The following PPFIA2 variants were observed in gnomAD, a reference collection of about 807,000 sequenced individuals.
The protein encoded by PPFIA2 is PPFI scaffold protein A2, also known as liprin-alpha-2.
In PPFIA2, 46 loss-of-function variants were observed where a neutral mutation model predicts 175.5. The observed-to-expected ratio is 0.26, with a 90% CI of 0.21 to 0.34. The LOEUF (loss-of-function observed/expected upper bound fraction) is 0.34, where lower values mean the gene tolerates loss of function less well. Ranked by LOEUF, PPFIA2 falls within the 10% of genes least tolerant of loss-of-function variation. PPFIA2 has a pLI of 1.00. For synonymous variants in PPFIA2, 568 were observed against 511.4 expected (o/e 1.11, Z -1.49); for missense variants, 1,179 against 1,506.1 (o/e 0.78, Z 3.60).
At chr12:81,486,033 T>C (rs1258080720) in intron 4 of PPFIA2, among the ~76,000 whole-genome samples, 1 of 151,950 alleles carries the variant, frequency 6.6e-6, no homozygotes, top group Non-Finnish European at 1.5e-5. Flanking sequence ...ACACAATCTC[T>C]GATATATTAT....
At chr12:81,584,996 A>ATATT (rs539247653) in intron 4 of PPFIA2, among the ~76,000 whole-genome samples, 1 of 15,152 alleles carries the variant, frequency 6.6e-5, no homozygotes, top group Non-Finnish European at 1.2e-4. Flanking sequence ...ATTTATATAT[A>ATATT]ATATATTAAT....
intron 21 of PPFIA2, among the ~76,000 whole-genome samples, chr12:81,337,697 A>T (rs1921061): frequency 0.77 from 116,809 of 151,960 alleles, 46,222 homozygotes; most frequent in Non-Finnish European, 0.88. Context: ...ACTAAGATGA[A>T]TATATATGTT....
chr12:81,713,452 C>T (rs1393914775), intron 3 of PPFIA2, among the ~76,000 whole-genome samples: 1 of 151,078 alleles, frequency 6.6e-6, no homozygotes, highest in Non-Finnish European at 1.5e-5. Context: ...CAAAGAGAAC[C>T]TTACAAATAA....
chr12:81,614,435 T>C (rs970550872), intron 4 of PPFIA2, among the ~76,000 whole-genome samples: 8 of 152,134 alleles, frequency 5.3e-5, no homozygotes, highest in African/African-American at 1.2e-4. Flanking sequence ...CATGGAATCA[T>C]AGAACAAAAT....
intron 4 of PPFIA2, among the ~76,000 whole-genome samples, chr12:81,632,762 A>C (rs2063536792): frequency 6.6e-6 from 1 of 151,864 alleles, no homozygotes; most frequent in Admixed American, 6.5e-5. Context: ...CCAAAAAAGC[A>C]AATCAGGATG....
At chr12:81,334,504 A>G (rs1032864839) in intron 21 of PPFIA2, among the ~76,000 whole-genome samples, 6 of 151,400 alleles carry the variant, frequency 4.0e-5, no homozygotes, top group Admixed American at 3.3e-4. Flanking sequence ...AAAAAAAAAA[A>G]TAAATCTCCT....
chr12:81,689,938 C>T (rs993863707), intron 3 of PPFIA2, among the ~76,000 whole-genome samples: 4 of 152,056 alleles, frequency 2.6e-5, no homozygotes, highest in Admixed American at 6.6e-5. Flanking sequence ...GCAATCAAAA[C>T]AGACGATACA....
intron 4 of PPFIA2, among the ~76,000 whole-genome samples, chr12:81,592,464 T>C (rs1224727813): frequency 6.6e-6 from 1 of 152,166 alleles, no homozygotes; most frequent in African/African-American, 2.4e-5. Context: ...ATCTCATCTT[T>C]AATTGTAACT....
intron 4 of PPFIA2, among the ~76,000 whole-genome samples, chr12:81,602,990 T>C (rs2059942645): frequency 6.6e-6 from 1 of 151,874 alleles, no homozygotes; most frequent in Admixed American, 6.6e-5. Context: ...TCAATGAATG[T>C]GCTGCTTACA....
chr12:81,279,983 G>T (rs1022619417), intron 27 of PPFIA2, among the ~76,000 whole-genome samples: 4 of 152,092 alleles, frequency 2.6e-5, no homozygotes, highest in African/African-American at 9.7e-5. Flanking sequence ...ACATAATAAT[G>T]ATCTTAAAAC....
At chr12:81,264,969 C>T (rs1231693843) in intron 30 of PPFIA2, among the ~76,000 whole-genome samples, 2 of 150,608 alleles carry the variant, frequency 1.3e-5, no homozygotes, top group African/African-American at 4.9e-5. Context: ...TACACAACTC[C>T]TTACAGTGTC....
Position 81,598,094 on chromosome 12 carries a change from G to A in PPFIA2, c.303+78697C>T, listed in dbSNP as rs756615826. The stretch of plus-strand genomic sequence containing the variant: ...ACAGATGCAGAGCAGAGAGCTTAGC[G>A]TACAGATAAATCCGTGCATGCATTG... On this transcript the variant is annotated intron_variant, in intron 4 of 32. Transcript: ENST00000549396. 5.7e-5 allele frequency: 88 copies of A among 1,532,358 alleles called. 1 individual carries two copies. Among genetic ancestry groups the A allele is most frequent in the Middle Eastern group, 1.7e-4 (1 of 5,952 alleles). The allele number at this position is 1,532,358 out of a possible 1,614,324, so 94.9% of individuals were successfully genotyped here. A position where few individuals can be genotyped will look rare whatever the true frequency, so the allele number is the denominator to read the frequency against.
chr12:81,569,911 A>G (rs2072154031), intron 4 of PPFIA2, among the ~76,000 whole-genome samples: 1 of 152,172 alleles, frequency 6.6e-6, no homozygotes, highest in African/African-American at 2.4e-5. Flanking sequence ...ATAGGCAGTG[A>G]GGGCATTTGA....
chr12:81,439,887 A>G lies in PPFIA2; in HGVS notation c.645+85T>C, dbSNP rs552814595. The stretch of plus-strand genomic sequence containing the variant: ...CAGAATGTAATTTATTTTTTGTGAC[A>G]GTTATAATAAAAGTGACGTGAAACA... On this transcript the variant is annotated intron_variant, in intron 7 of 32. Transcript: ENST00000549396. The G allele has an allele frequency of 3.8e-5, 41 of 1,083,244 alleles. 1 individual carries two copies. The South Asian group carries it at 4.3e-4, about 11-fold the overall frequency. 67.1% of individuals were successfully genotyped at this position (1,083,244 alleles called of 1,614,324 possible).
chr12:81,601,198 A>G (rs1463738859), intron 4 of PPFIA2, among the ~76,000 whole-genome samples: 1 of 151,986 alleles, frequency 6.6e-6, no homozygotes, highest in East Asian at 1.9e-4. Context: ...TAATTATTTT[A>G]AGTACAATGC....
At chr12:81,389,073 C>A (rs183935133) in intron 8 of PPFIA2, among the ~76,000 whole-genome samples, 1 of 150,284 alleles carries the variant, frequency 6.7e-6, no homozygotes, top group Non-Finnish European at 1.5e-5. Flanking sequence ...TGTGTTCTTT[C>A]GTGACTAGTT....
chr12:81,635,490 C>T (rs1289836622), intron 4 of PPFIA2, among the ~76,000 whole-genome samples: 1 of 152,206 alleles, frequency 6.6e-6, no homozygotes, highest in Non-Finnish European at 1.5e-5. Flanking sequence ...GCAAGAATGT[C>T]TGTAGCCTCA....
intron 2 of PPFIA2, among the ~76,000 whole-genome samples, chr12:81,754,518 A>G (rs758285599): frequency 3.0e-4 from 45 of 152,134 alleles, no homozygotes; most frequent in Admixed American, 1.3e-4. Context: ...ATCCCACCTA[A>G]TTCAATTTAC....
intron 3 of PPFIA2, among the ~76,000 whole-genome samples, chr12:81,681,015 T>G (rs1357334942): frequency 2.6e-5 from 4 of 151,980 alleles, no homozygotes; most frequent in African/African-American, 9.7e-5. Flanking sequence ...CCTGAGGAGC[T>G]GAAACAATGG....
Sources: allele counts gnomAD v4.1 joint callset (sites outside exome capture counted in the v4.1 genomes callset), GRCh38; gene constraint gnomAD v4.1.1; transcripts MANE v1.5; gene names NCBI Gene and HGNC (gene_info 2026-07-23, HGNC 2026-07-21).